Variants in ATP8A2 observed in about 807,000 individuals in gnomAD.
ATP8A2 encodes phospholipid-transporting ATPase IB.
A neutral mutation model predicts 165.6 loss-of-function variants in ATP8A2; 100 were observed. The observed-to-expected ratio is 0.60, with a 90% CI of 0.51 to 0.71. The LOEUF (loss-of-function observed/expected upper bound fraction) is 0.71. Ranked by LOEUF, ATP8A2 falls within the 30% of genes least tolerant of loss-of-function variation. The pLI is 0.00. For missense variants in ATP8A2, 1,227 were observed against 1,479.5 expected (o/e 0.83, Z 2.80); for synonymous variants, 543 against 548.8 (o/e 0.99, Z 0.15).
intron 1 of ATP8A2, among the ~76,000 whole-genome samples, chr13:25,386,107 G>T (rs2033033835): frequency 6.6e-6 from 1 of 151,902 alleles, no homozygotes; most frequent in Non-Finnish European, 1.5e-5. Flanking sequence ...GTAGAGATGG[G>T]GTTTCACCAT....
intron 1 of ATP8A2, among the ~76,000 whole-genome samples, chr13:25,381,820 C>T (rs1048271062): frequency 6.6e-6 from 1 of 152,124 alleles, no homozygotes; most frequent in Non-Finnish European, 1.5e-5. Flanking sequence ...TGAGACCACC[C>T]GCCAGGCTCT....
chr13:25,758,147 T>TA (rs1327615703), intron 25 of ATP8A2, among the ~76,000 whole-genome samples: 22 of 152,350 alleles, frequency 1.4e-4, no homozygotes, highest in African/African-American at 5.0e-4. Flanking sequence ...ACAGGGGATG[T>TA]AATAAACTCA....
chr13:25,463,059 G>A (rs373860378), intron 1 of ATP8A2, among the ~76,000 whole-genome samples: 2 of 151,950 alleles, frequency 1.3e-5, no homozygotes, highest in African/African-American at 4.8e-5. Context: ...ACTGGCGTTG[G>A]GAGGATGATG....
intron 25 of ATP8A2, among the ~76,000 whole-genome samples, chr13:25,721,500 C>T (rs1330055914): frequency 1.3e-5 from 2 of 152,180 alleles, no homozygotes; most frequent in African/African-American, 2.4e-5. Flanking sequence ...TTAACATTTA[C>T]ATCTTTAATC....
intron 26 of ATP8A2, among the ~76,000 whole-genome samples, 155 bp downstream of exon 26, chr13:25,769,384 G>A (rs1161077983): frequency 2.1e-4 from 32 of 152,184 alleles, no homozygotes; most frequent in Admixed American, 2.1e-3. Flanking sequence ...GGAATTCTCT[G>A]TAGTTGTGAT....
intron 2 of ATP8A2, among the ~76,000 whole-genome samples, chr13:25,517,392 A>T (rs1479615617): frequency 1.3e-5 from 2 of 152,220 alleles, no homozygotes; most frequent in Non-Finnish European, 2.9e-5. Flanking sequence ...TCAGTGGTCA[A>T]AATGTTATCT....
In ATP8A2 at chr13:25,584,668, C is replaced by T. The variant is rs991753197; in HGVS notation, c.2146+2711C>T. ...ACCCTACTTAATGACCAAACTGGTACTAGGTCTCAGGGCTCTTGACTTCTG... is the reference window on the plus strand; with the variant it reads ...ACCCTACTTAATGACCAAACTGGTATTAGGTCTCAGGGCTCTTGACTTCTG... On this transcript the variant is annotated intron_variant, in intron 23 of 36. Transcript: ENST00000381655. 3.9e-5 allele frequency among the ~76,000 whole-genome samples: 6 copies of T among 152,150 alleles called. No individual in the cohort carries two copies. The South Asian group carries it at 1.0e-3, about 26-fold the overall frequency.
At chr13:25,623,143 G>A (rs2041014927) in intron 24 of ATP8A2, among the ~76,000 whole-genome samples, 1 of 152,168 alleles carries the variant, frequency 6.6e-6, no homozygotes, top group South Asian at 2.1e-4. Context: ...CAGCACTTTG[G>A]GAGGCCAAGG....
intron 24 of ATP8A2, among the ~76,000 whole-genome samples, chr13:25,692,107 G>C (rs1189506341): frequency 6.6e-6 from 1 of 152,212 alleles, no homozygotes; most frequent in Non-Finnish European, 1.5e-5. Context: ...GGTGAGAAAA[G>C]ACACAGCTGA....
At chr13:25,692,084 G>C (rs1386563085) in intron 24 of ATP8A2, among the ~76,000 whole-genome samples, 1 of 152,186 alleles carries the variant, frequency 6.6e-6, no homozygotes, top group Admixed American at 6.5e-5. Context: ...TCTGAAGAAT[G>C]GGGGAGGGCG....
chr13:25,832,509 G>A (rs1357385975), intron 28 of ATP8A2, among the ~76,000 whole-genome samples: 2 of 152,164 alleles, frequency 1.3e-5, no homozygotes, highest in African/African-American at 2.4e-5. Flanking sequence ...GAAAAAGTAT[G>A]TGACAAAGTA....
intron 1 of ATP8A2, among the ~76,000 whole-genome samples, chr13:25,394,107 C>T (rs1400105146): frequency 6.6e-6 from 1 of 152,164 alleles, no homozygotes; most frequent in African/African-American, 2.4e-5. Flanking sequence ...ACTGTCATCA[C>T]CTTGTAAGTG....
chr13:25,602,795 G>A (rs368543179), intron 24 of ATP8A2, among the ~76,000 whole-genome samples: 5 of 152,234 alleles, frequency 3.3e-5, no homozygotes, highest in Non-Finnish European at 5.9e-5. Context: ...ATCTGGGCCA[G>A]GCACAGTGGC....
At chr13:25,948,613 G>A (rs1955270862) in intron 33 of ATP8A2, among the ~76,000 whole-genome samples, 1 of 152,160 alleles carries the variant, frequency 6.6e-6, no homozygotes, top group African/African-American at 2.4e-5. Flanking sequence ...GCATCATGGG[G>A]CCTTGAGCAG....
chr13:25,659,537 A>G (rs2042006129), intron 24 of ATP8A2, among the ~76,000 whole-genome samples: 1 of 152,222 alleles, frequency 6.6e-6, no homozygotes, highest in African/African-American at 2.4e-5. Context: ...TGGAAAGAGA[A>G]TGCTTTGCTG....
chr13:25,896,653 A>T (rs1953560283), intron 33 of ATP8A2, among the ~76,000 whole-genome samples: 1 of 152,074 alleles, frequency 6.6e-6, no homozygotes, highest in African/African-American at 2.4e-5. Flanking sequence ...TCCCATTATT[A>T]TTGTGTGGGA....
At position 25,791,534 on chromosome 13, in the gene ATP8A2, CACACACAT is replaced by C. The variant is rs1168829434; in HGVS notation, c.2679+16583_2679+16590del. On this transcript the variant is annotated intron_variant, in intron 27 of 36. Transcript: ENST00000381655. ...ACATGTATCCCCGAACTTAAACACA[CACACACAT>C]ACACACACACACACACACACACACA... Among the ~76,000 whole-genome samples the C allele has an allele frequency of 4.4e-4, 50 of 114,382 alleles. 1 individual carries two copies. Among genetic ancestry groups the C allele is most frequent in the South Asian group, 2.7e-3 (8 of 2,910 alleles). The allele number at this position is 114,382 out of a possible 152,430, so 75.0% of individuals were successfully genotyped here.
rs766237694 is a variant in ATP8A2 at position 25,453,185 on chromosome 13, G to T, written c.77-15792G>T. Among the ~76,000 whole-genome samples the T allele has an allele frequency of 7.8e-4, 119 of 151,934 alleles. 1 individual carries two copies. The highest frequency in any genetic ancestry group is 1.5e-3 in the Non-Finnish European group (102 of 67,950). ...CTTGTTGCCCAGGCTGGAGTGCAAT[G>T]GTATGATCTCGGCTCACTGCAACCT... On this transcript the variant is annotated intron_variant, in intron 1 of 36. Coordinates refer to ENST00000381655, the MANE Select transcript of ATP8A2 (RefSeq NM_016529.6).
chr13:25,389,210 A>T (rs1319349528), intron 1 of ATP8A2, among the ~76,000 whole-genome samples: 1 of 152,212 alleles, frequency 6.6e-6, no homozygotes, highest in Non-Finnish European at 1.5e-5. Context: ...AGCATTTTAG[A>T]TGTAAGGAGA....
Sources: allele counts gnomAD v4.1 joint callset (sites outside exome capture counted in the v4.1 genomes callset), GRCh38; gene constraint gnomAD v4.1.1; transcripts MANE v1.5; gene names NCBI Gene and HGNC (gene_info 2026-07-23, HGNC 2026-07-21).